NKIRAS1: variants seen among roughly 807,000 people sequenced by gnomAD.
The protein encoded by NKIRAS1 is NF-kappa-B inhibitor-interacting Ras-like protein 1.
A neutral mutation model predicts 19.8 loss-of-function variants in NKIRAS1; 16 were observed. The ratio of observed to expected loss-of-function variants is 0.81; its 90% CI spans 0.55 to 1.23. NKIRAS1 has a LOEUF of 1.23. NKIRAS1 is among the 50% of genes most tolerant of loss of function. The probability of loss-of-function intolerance (pLI) is 0.00; values close to 1 mark genes in which losing one functional copy is unlikely to be tolerated. For synonymous variants in NKIRAS1, 88 were observed against 79.0 expected (o/e 1.11, Z -0.61); for missense variants, 184 against 220.0 (o/e 0.84, Z 1.04).
At chr3:23,934,679 A>C (rs942440700) in intron 1 of NKIRAS1, among the ~76,000 whole-genome samples, 17 of 152,220 alleles carry the variant, frequency 1.1e-4, no homozygotes, top group African/African-American at 3.6e-4. Flanking sequence ...AGCAAAAGAA[A>C]GGGATCTGGT....
intron 1 of NKIRAS1, among the ~76,000 whole-genome samples, chr3:23,940,167 C>CAAAAAAAAAAA (rs1559517464): frequency 1.4e-4 from 4 of 28,900 alleles, no homozygotes; most frequent in Non-Finnish European, 2.3e-4. Flanking sequence ...CCCATCTCTA[C>CAAAAAAAAAAA]CAAAAAAAAA....
In NKIRAS1 at chr3:23,926,724, G is replaced by A. The variant is rs1196913471; in HGVS notation, c.-139-15274C>T. On this transcript the variant is annotated intron_variant, in intron 1 of 4. Coordinates refer to the NKIRAS1 transcript ENST00000421515. This position sits in a 1 kb window ranked among gnomAD's most constrained non-coding sequence, Gnocchi z 4.3. The stretch of plus-strand genomic sequence containing the variant: ...TATCCCAATGGTACAAACTGTAGAA[G>A]AATGAACTGCTACAACACCTTTTCT... Among the ~76,000 whole-genome samples the A allele has an allele frequency of 2.0e-5, 3 of 152,180 alleles. No individual in the cohort carries two copies. The highest frequency in any genetic ancestry group is 4.4e-5 in the Non-Finnish European group (3 of 68,028).
rs368322926 is a variant in NKIRAS1, at chr3:23,926,252, G to T, written c.-139-14802C>A. ...TTTTTAGTAGAGACAGGGTTTCGCC[G>T]TGTTGGCCAGGCTGGTCTCAAACGC... On this transcript the variant is annotated intron_variant, in intron 1 of 4. Coordinates refer to the NKIRAS1 transcript ENST00000421515. The surrounding 1 kb of genome is among the most constrained non-coding windows in gnomAD (Gnocchi z 4.3). Among the ~76,000 whole-genome samples, 952 of 152,104 alleles carry T rather than the reference G, an allele frequency of 6.3e-3. 12 individuals are homozygous for T. Among genetic ancestry groups the T allele is most frequent in the African/African-American group, 0.022 (896 of 41,486 alleles).
chr3:23,904,153 AAAAG>A (rs1276297196), intron 3 of NKIRAS1, among the ~76,000 whole-genome samples: 10 of 151,890 alleles, frequency 6.6e-5, no homozygotes, highest in Non-Finnish European at 1.0e-4. Context: ...TAAAAAAAGA[AAAAG>A]AAAGAAAAGA....
intron 3 of NKIRAS1, among the ~76,000 whole-genome samples, chr3:23,905,495 TAAAG>T (rs1702930000): frequency 6.6e-6 from 1 of 152,144 alleles, no homozygotes; most frequent in Non-Finnish European, 1.5e-5. Context: ...TAGTGTAAAA[TAAAG>T]ACAGTTTCAA....
chr3:23,938,481 T>C (rs184560428), intron 1 of NKIRAS1, among the ~76,000 whole-genome samples: 410 of 152,300 alleles, frequency 2.7e-3, no homozygotes, highest in African/African-American at 9.2e-3. Context: ...CAGAGTGTTA[T>C]GATTACAGGT....
chr3:23,917,059 A>C (rs1704621950), upstream of NKIRAS1: 1 of 152,556 alleles, frequency 6.6e-6, no homozygotes, highest in South Asian at 2.1e-4. Flanking sequence ...ATGTCCCATG[A>C]CGCTCTGGGA....
chr3:23,902,871 C>T (rs572582411), intron 3 of NKIRAS1, among the ~76,000 whole-genome samples: 7 of 152,308 alleles, frequency 4.6e-5, no homozygotes, highest in Non-Finnish European at 8.8e-5. Context: ...GACATGCCTG[C>T]GCACACACAC....
chr3:23,943,692 C>G (rs1705554555), intron 1 of NKIRAS1, among the ~76,000 whole-genome samples: 1 of 152,198 alleles, frequency 6.6e-6, no homozygotes, highest in East Asian at 1.9e-4. Flanking sequence ...CATGAAAAAG[C>G]AAGCAAGCTA....
At chr3:23,905,266 G>A (rs1428198037) in intron 3 of NKIRAS1, among the ~76,000 whole-genome samples, 1 of 152,196 alleles carries the variant, frequency 6.6e-6, no homozygotes, top group Non-Finnish European at 1.5e-5. Context: ...TAAAAAGAAT[G>A]ATTAACCAAA....
intron 1 of NKIRAS1, among the ~76,000 whole-genome samples, chr3:23,930,401 T>C (rs1705288656): frequency 6.6e-6 from 1 of 152,102 alleles, no homozygotes; most frequent in South Asian, 2.1e-4. Context: ...AGTTACATCA[T>C]GGCAGTGTTT....
In NKIRAS1 at chr3:23,916,734, G is replaced by GGAGACGCGGAGACGCA. The variant is rs1553644343; in HGVS notation, c.-140+49_-140+50insTGCGTCTCCGCGTCTC. The GGAGACGCGGAGACGCA allele has an allele frequency of 2.1e-4, 32 of 152,884 alleles. 1 individual carries two copies. In the South Asian group the frequency reaches 4.8e-3, roughly 23 times the overall value. 9.5% of individuals were successfully genotyped at this position (152,884 alleles called of 1,614,324 possible). A position where few individuals can be genotyped will look rare whatever the true frequency, so the allele number is the denominator to read the frequency against. ...GAGGGACAGCGCAGCGCGGAGACGC[G>GGAGACGCGGAGACGCA]GAGACGCAGAGACTCCGCAGGGGGA... is the stretch of plus-strand genomic sequence containing the variant. On this transcript the variant is annotated intron_variant, in intron 1 of 4. Transcript: ENST00000425478.
intron 1 of NKIRAS1, chr3:23,945,725 G>A: frequency 1.7e-6 from 1 of 604,296 alleles, no homozygotes; most frequent in Non-Finnish European, 2.2e-6. Flanking sequence ...CGCGCCGCGT[G>A]TCCGCCTCTG....
intron 1 of NKIRAS1, among the ~76,000 whole-genome samples, chr3:23,938,972 C>A (rs1286109736): frequency 6.6e-6 from 1 of 152,200 alleles, no homozygotes; most frequent in Non-Finnish European, 1.5e-5. Context: ...GCAGCTCCAA[C>A]CCCCTGCTGT....
intron 1 of NKIRAS1, chr3:23,946,020 T>TGGGGGC (rs1705681674): frequency 3.8e-6 from 3 of 793,176 alleles, no homozygotes; most frequent in African/African-American, 1.9e-5. Flanking sequence ...CAGGGACACG[T>TGGGGGC]GGGGGCGGGG....
chr3:23,929,515 G>A (rs989818112), intron 1 of NKIRAS1, among the ~76,000 whole-genome samples: 13 of 152,066 alleles, frequency 8.5e-5, no homozygotes, highest in African/African-American at 2.2e-4. Context: ...CAACCTCTGC[G>A]TCTCCGGCTC....
At chr3:23,923,198 T>G (rs1705144125) in intron 1 of NKIRAS1, 1 of 151,406 alleles carries the variant, frequency 6.6e-6, no homozygotes, top group Non-Finnish European at 1.5e-5. Context: ...AGCTTATTCT[T>G]TATCAGCTCA....
Position 23,912,486 on chromosome 3 carries a change from A to G in NKIRAS1, c.-139-1036T>C, listed in dbSNP as rs140795531. Among the ~76,000 whole-genome samples, 322 of 152,284 alleles carry G rather than the reference A, an allele frequency of 2.1e-3. 1 individual carries two copies. Among genetic ancestry groups the G allele is most frequent in the African/African-American group, 7.2e-3 (299 of 41,554 alleles). On this transcript the variant is annotated intron_variant, in intron 1 of 4. Coordinates refer to ENST00000425478, the MANE Select transcript of NKIRAS1 (RefSeq NM_020345.4). The stretch of plus-strand genomic sequence containing the variant: ...CAGAGAAATGCAAATCAAAACCACA[A>G]TGAGATACCATCTCACGCCAATTAG...
upstream of NKIRAS1, chr3:23,921,496 C>T: frequency 1.5e-6 from 1 of 664,890 alleles, no homozygotes; most frequent in Non-Finnish European, 2.7e-6. Context: ...ACCCTGACCG[C>T]CCCACAAGCT....
Sources: allele counts gnomAD v4.1 joint callset (sites outside exome capture counted in the v4.1 genomes callset), GRCh38; gene constraint gnomAD v4.1.1; non-coding constraint Gnocchi (gnomAD v3.1); transcripts MANE v1.5; gene names NCBI Gene and HGNC (gene_info 2026-07-23, HGNC 2026-07-21).